The following RNF145 variants were observed in gnomAD, a reference collection of about 807,000 sequenced individuals.
RNF145 encodes ring finger protein 145.
In RNF145, 12 loss-of-function variants were observed where a neutral mutation model predicts 57.3. The observed-to-expected ratio is 0.21, with a 90% CI of 0.13 to 0.34. The LOEUF is 0.34. RNF145 is among the 10% of genes least tolerant of loss of function. The probability of loss-of-function intolerance (pLI) is 1.00; values close to 1 mark genes in which losing one functional copy is unlikely to be tolerated. For missense variants in RNF145, 429 were observed against 799.0 expected (o/e 0.54, Z 5.58); for synonymous variants, 262 against 288.3 (o/e 0.91, Z 0.92).
intron 3 of RNF145, among the ~76,000 whole-genome samples, chr5:159,192,290 T>C (rs2113203416): frequency 6.6e-6 from 1 of 152,276 alleles, no homozygotes; most frequent in East Asian, 1.9e-4. Flanking sequence ...CAAACTCTCA[T>C]GATACCAAGG....
intron 6 of RNF145, among the ~76,000 whole-genome samples, chr5:159,171,160 G>GA (rs1784541728): frequency 6.6e-6 from 1 of 152,028 alleles, no homozygotes; most frequent in African/African-American, 2.4e-5. Flanking sequence ...CTAATAACTA[G>GA]AAAAAAATAA....
In RNF145 at chr5:159,169,661, A is replaced by G. The variant is rs758546819; in HGVS notation, c.938+18T>C. ...TATAGTATTTACATTTCTAGATATA[A>G]TCAAGGAAAGAACTTACCGATTCAT... On this transcript the variant is annotated intron_variant, in intron 7 of 10. Coordinates refer to ENST00000424310, the MANE Select transcript of RNF145 (RefSeq NM_001199383.2). 6.4e-7 allele frequency: 1 copy of G among 1,562,916 alleles called. No homozygotes were observed. Among genetic ancestry groups the G allele is most frequent in the South Asian group, 1.2e-5 (1 of 83,482 alleles).
Position 159,194,778 on chromosome 5 carries a change from C to G in RNF145, c.231G>C (p.Leu77=). Reference sequence around the variant, plus strand: ...TCAAAAAATATAGATAAAGCTGAACCAGATGCTGCCTGGGCAATGTTAGCA... The same window carrying G: ...TCAAAAAATATAGATAAAGCTGAACGAGATGCTGCCTGGGCAATGTTAGCA... ...VVLLTLPRQH[L]VQLYLYFLTA... The change falls in exon 3 of 11, where the codon CTG becomes CTC. Residue 77 remains leucine, a synonymous_variant. Coordinates refer to ENST00000424310, the MANE Select transcript of RNF145 (RefSeq NM_001199383.2). 6.2e-7 allele frequency: 1 copy of G among 1,613,786 alleles called. No homozygotes were observed. The highest frequency in any genetic ancestry group is 1.1e-5 in the South Asian group (1 of 91,070).
chr5:159,172,197 TAA>T (rs964205195), intron 6 of RNF145, among the ~76,000 whole-genome samples: 55 of 152,188 alleles, frequency 3.6e-4, no homozygotes, highest in Non-Finnish European at 7.1e-4. Context: ...TGGGTCATTT[TAA>T]AAGTCTTCAG....
intron 8 of RNF145, among the ~76,000 whole-genome samples, chr5:159,164,221 T>A (rs1784322486): frequency 6.6e-6 from 1 of 152,096 alleles, no homozygotes; most frequent in African/African-American, 2.4e-5. Flanking sequence ...TTTACATTTT[T>A]TCTTGCCAAA....
intron 3 of RNF145, among the ~76,000 whole-genome samples, chr5:159,188,684 A>G (rs1485613729): frequency 1.3e-5 from 2 of 152,192 alleles, no homozygotes; most frequent in African/African-American, 4.8e-5. Flanking sequence ...TAGAATATCA[A>G]TATTAAATAT....
chr5:159,161,524 G>C lies in RNF145; in HGVS notation c.1368C>G (p.Gly456=). 6.2e-7 allele frequency: 1 copy of C among 1,613,880 alleles called. No homozygotes were observed. Among genetic ancestry groups the C allele is most frequent in the Non-Finnish European group, 8.5e-7 (1 of 1,179,904 alleles). ...CAAGAAACTCCAGCAGGCGGTAAGT[G>C]CCATTCACATAGTAGATGACATCAT... is the stretch of plus-strand genomic sequence containing the variant. ...NMDDVIYYVN[G]TYRLLEFLVA... The change falls in exon 10 of 11, where the codon GGC becomes GGG. Residue 456 remains glycine (G), a synonymous_variant. Coordinates refer to ENST00000424310, the MANE Select transcript of RNF145 (RefSeq NM_001199383.2).
intron 5 of RNF145, 46 bp from the exon 6 acceptor site, chr5:159,174,204 T>A: frequency 1.7e-6 from 2 of 1,201,102 alleles, no homozygotes; most frequent in Non-Finnish European, 2.3e-6. Flanking sequence ...TCACCATCAA[T>A]AAACACTTTA....
intron 1 of RNF145, among the ~76,000 whole-genome samples, chr5:159,208,990 C>A (rs1040480465): frequency 6.7e-6 from 1 of 148,290 alleles, no homozygotes; most frequent in Non-Finnish European, 1.5e-5. Context: ...AGAGCAGGGT[C>A]GGAGGGAGGC....
chr5:159,203,366 C>T, intron 2 of RNF145, 68 bp downstream of exon 2: 1 of 1,120,156 alleles, frequency 8.9e-7, no homozygotes, highest in Non-Finnish European at 1.3e-6. Context: ...TACCCAAATT[C>T]AAAAAGATAC....
At chr5:159,174,785 A>T (rs1010914414) in intron 5 of RNF145, among the ~76,000 whole-genome samples, 1 of 129,700 alleles carries the variant, frequency 7.7e-6, no homozygotes, top group African/African-American at 2.8e-5. Flanking sequence ...GATATATCTT[A>T]AAAAAAAAAA....
rs1006341199 is a variant in RNF145, at chr5:159,194,656, A to G, written c.293+60T>C. The G allele has an allele frequency of 1.8e-5, 20 of 1,095,676 alleles. No homozygotes were observed. In the Admixed American group the frequency reaches 3.4e-4, roughly 19 times the overall value. 67.9% of individuals were successfully genotyped at this position (1,095,676 alleles called of 1,614,324 possible). ...TAACAGTGTTCATGAAAAGTATTTT[A>G]TTGGCAAAAGAAAACTTTAAATTCA... is the stretch of plus-strand genomic sequence containing the variant. On this transcript the variant is annotated intron_variant, in intron 3 of 10. Coordinates refer to ENST00000424310, the MANE Select transcript of RNF145 (RefSeq NM_001199383.2).
chr5:159,159,383 T>C (rs535209389), intron 10 of RNF145, among the ~76,000 whole-genome samples: 2 of 152,348 alleles, frequency 1.3e-5, no homozygotes, highest in South Asian at 2.1e-4. Flanking sequence ...GACAAGAGTA[T>C]AATTACAACC....
Position 159,158,806 on chromosome 5 carries a change from C to T in RNF145, c.1856G>A (p.Gly619Glu), listed in dbSNP as rs1417183013. The T allele has an allele frequency of 6.2e-7, 1 of 1,613,898 alleles. No individual in the cohort carries two copies. Among genetic ancestry groups the T allele is most frequent in the East Asian group, 2.2e-5 (1 of 44,880 alleles). Residue 619 changes from glycine to glutamate, a missense_variant, in exon 11 of 11, where the codon GGG becomes GAG. By Grantham distance (98) the Gly-to-Glu change is moderately conservative. Coordinates refer to ENST00000424310, the MANE Select transcript of RNF145 (RefSeq NM_001199383.2). ...TEPPGQEHTP[G>E]TRIQEGSRDN... ...CCTGGAACCTTCCTGTATCCTGGTC[C>T]CTGGAGTATGCTCCTGGCCTGGGGG...
chr5:159,171,535 T>C (rs1784559373), intron 6 of RNF145, among the ~76,000 whole-genome samples: 1 of 152,186 alleles, frequency 6.6e-6, no homozygotes, highest in Non-Finnish European at 1.5e-5. Context: ...GACCTAGCTT[T>C]GGGGAAGTGA....
rs1349223270 is a variant in RNF145 at position 159,206,356 on chromosome 5, G to C, written c.-39-2700C>G. Among the ~76,000 whole-genome samples, 3 of 152,100 alleles carry C rather than the reference G, an allele frequency of 2.0e-5. No individual in the cohort carries two copies. In the East Asian group the frequency reaches 5.8e-4, roughly 29 times the overall value. The stretch of plus-strand genomic sequence containing the variant: ...ACTGACGAAACAAATTTAATACATG[G>C]AAAATCAAAGAGAAAAAAATTTCAA... On this transcript the variant is annotated intron_variant, in intron 1 of 10. Transcript: ENST00000424310.
At chr5:159,192,773 G>C (rs1584700388) in intron 3 of RNF145, among the ~76,000 whole-genome samples, 1 of 152,128 alleles carries the variant, frequency 6.6e-6, no homozygotes, top group East Asian at 1.9e-4. Flanking sequence ...CCAAGGTTAT[G>C]GAGCAGTAAA....
rs773123023 is a variant in RNF145, at chr5:159,158,962, A to G, written c.1700T>C (p.Val567Ala). The G allele has an allele frequency of 1.2e-5, 19 of 1,613,812 alleles. No homozygotes were observed. Among genetic ancestry groups the G allele is most frequent in the Non-Finnish European group, 1.5e-5 (18 of 1,179,846 alleles). Reference protein sequence around the residue: ...HAGCLKKWLYVQETCPLCHCH... With the variant: ...HAGCLKKWLYAQETCPLCHCH... ...GTGGCACAGAGGGCAGGTCTCCTGG[A>G]CATACAGCCATTTCTTAAGACAGCC... The change falls in exon 11 of 11, where the codon GTC becomes GCC. Residue 567 changes from valine (V) to alanine (A), a missense_variant. By Grantham distance (64) the Val-to-Ala change is moderately conservative. Around this residue, in one of 4 missense-constraint regions of RNF145, gnomAD observed 216 missense variants for 457.6 expected, o/e 0.47. Transcript: ENST00000424310.
At chr5:159,183,585 TGA>T (rs2113164422) in intron 3 of RNF145, among the ~76,000 whole-genome samples, 1 of 152,286 alleles carries the variant, frequency 6.6e-6, no homozygotes, top group African/African-American at 2.4e-5. Flanking sequence ...AAAAGAATTA[TGA>T]AATTAGAACA....
Sources: allele counts gnomAD v4.1 joint callset (sites outside exome capture counted in the v4.1 genomes callset), GRCh38; gene constraint gnomAD v4.1.1; regional missense constraint gnomAD v4.1.1; transcripts MANE v1.5; gene names NCBI Gene and HGNC (gene_info 2026-07-23, HGNC 2026-07-21).